Variants in IQGAP1 observed in about 807,000 individuals in gnomAD.
The protein encoded by IQGAP1 is IQ motif containing GTPase activating protein 1.
Under a neutral mutation model 215.6 loss-of-function variants are expected in IQGAP1, and 66 were observed. The observed-to-expected ratio is 0.31, with a 90% CI of 0.25 to 0.38. The LOEUF (loss-of-function observed/expected upper bound fraction) is 0.38. IQGAP1 is among the 10% of genes least tolerant of loss of function. The pLI is 1.00. For missense variants in IQGAP1, 1,712 were observed against 1,997.1 expected, an observed-to-expected ratio of 0.86 and a Z score of 2.72; for synonymous variants, 772 against 728.7, an observed-to-expected ratio of 1.06 and a Z score of -0.96.
At chr15:90,414,649 GT>G (rs1186400009) in intron 2 of IQGAP1, among the ~76,000 whole-genome samples, 3 of 152,028 alleles carry the variant, frequency 2.0e-5, no homozygotes, top group Non-Finnish European at 4.4e-5. Context: ...CCTCTTAAGT[GT>G]TGGTGTTCTC....
chr15:90,398,432 GATA>G (rs1964757531), intron 2 of IQGAP1, among the ~76,000 whole-genome samples: 1 of 152,050 alleles, frequency 6.6e-6, no homozygotes, highest in Non-Finnish European at 1.5e-5. Flanking sequence ...TTTTTACAGT[GATA>G]ATTTTATAAT....
At chr15:90,472,167 T>G (rs961093156) in intron 18 of IQGAP1, among the ~76,000 whole-genome samples, 1 of 152,168 alleles carries the variant, frequency 6.6e-6, no homozygotes, top group African/African-American at 2.4e-5. Flanking sequence ...CCCCAGCTAC[T>G]CAGGAGGTGA....
chr15:90,455,559 C>T (rs540667375), intron 14 of IQGAP1, among the ~76,000 whole-genome samples: 2 of 152,280 alleles, frequency 1.3e-5, no homozygotes, highest in Non-Finnish European at 2.9e-5. Flanking sequence ...AAAAGCAGTA[C>T]GGCTGCCTAA....
rs750317049 is a variant in IQGAP1 at position 90,473,880 on chromosome 15, G to C, written c.2434-16G>C. ...GATGAAGGACTCTTCTAATTTCCAGGATCCCTTTTCCACAGATTCAGTCCC... is the reference window on the plus strand; with the variant it reads ...GATGAAGGACTCTTCTAATTTCCAGCATCCCTTTTCCACAGATTCAGTCCC... On this transcript the variant is annotated splice_polypyrimidine_tract_variant and intron_variant, in intron 20 of 37. Coordinates refer to ENST00000268182, the MANE Select transcript of IQGAP1 (RefSeq NM_003870.4). 1 of 1,613,572 alleles carries C rather than the reference G, an allele frequency of 6.2e-7. No homozygotes were observed. The highest frequency in any genetic ancestry group is 8.5e-7 in the Non-Finnish European group (1 of 1,179,832).
chr15:90,455,985 A>G (rs1300976538), intron 14 of IQGAP1, among the ~76,000 whole-genome samples, 167 bp from the exon 15 acceptor site: 1 of 152,244 alleles, frequency 6.6e-6, no homozygotes, highest in Non-Finnish European at 1.5e-5. Context: ...AGTTGAAATA[A>G]ATACTAATTA....
At chr15:90,418,731 A>G (rs1965089593) in intron 2 of IQGAP1, among the ~76,000 whole-genome samples, 1 of 152,210 alleles carries the variant, frequency 6.6e-6, no homozygotes, top group Non-Finnish European at 1.5e-5. Context: ...TAATGAGGTT[A>G]TATATTGTGG....
At chr15:90,439,807 G>A (rs1384675033) in intron 6 of IQGAP1, among the ~76,000 whole-genome samples, 3 of 152,188 alleles carry the variant, frequency 2.0e-5, no homozygotes, top group Non-Finnish European at 4.4e-5. Context: ...ACACAAAGAT[G>A]CCAATTTAGT....
chr15:90,453,281 A>C lies in IQGAP1; in HGVS notation c.1476A>C (p.Glu492Asp). 1 of 1,611,924 alleles carries C rather than the reference A, an allele frequency of 6.2e-7. No homozygotes were observed. The highest frequency in any genetic ancestry group is 8.5e-7 in the Non-Finnish European group (1 of 1,179,004). ...SVTGLTNIEE[E>D]NCQRYLDELM... ...CTGGTCTTACCAATATTGAGGAAGA[A>C]AACTGTCAGAGGTGGGTGTCCAGAG... Residue 492 changes from glutamate (E) to aspartate (D), a missense_variant, in exon 13 of 38, where the codon GAA becomes GAC. By Grantham distance (45) the Glu-to-Asp change is conservative. Coordinates refer to ENST00000268182, the MANE Select transcript of IQGAP1 (RefSeq NM_003870.4).
At chr15:90,409,622 A>C (rs572911486) in intron 2 of IQGAP1, among the ~76,000 whole-genome samples, 1 of 152,190 alleles carries the variant, frequency 6.6e-6, no homozygotes, top group Admixed American at 6.5e-5. Flanking sequence ...TGTTCTACTC[A>C]CCTTGGCTTC....
chr15:90,476,316 T>G (rs1965978987), intron 23 of IQGAP1, among the ~76,000 whole-genome samples: 1 of 152,178 alleles, frequency 6.6e-6, no homozygotes, highest in South Asian at 2.1e-4. Context: ...GTATTTGACA[T>G]TTAGGTTGTT....
intron 28 of IQGAP1, 26 bp from the exon 29 acceptor site, chr15:90,483,335 C>A: frequency 6.5e-7 from 1 of 1,527,836 alleles, no homozygotes; most frequent in Non-Finnish European, 9.1e-7. Flanking sequence ...CTTTTAATAC[C>A]CATCTTTCTG....
intron 30 of IQGAP1, 67 bp downstream of exon 30, chr15:90,484,419 A>T (rs1406039685): frequency 1.5e-6 from 2 of 1,362,462 alleles, no homozygotes; most frequent in South Asian, 2.5e-5. Context: ...GCTGCTTATC[A>T]TCTCTGGTAG....
intron 32 of IQGAP1, among the ~76,000 whole-genome samples, 191 bp downstream of exon 32, chr15:90,487,280 C>T (rs1470410531): frequency 6.6e-6 from 1 of 152,134 alleles, no homozygotes; most frequent in African/African-American, 2.4e-5. Context: ...TAATATGCTA[C>T]AGTGAAATGT....
intron 10 of IQGAP1, 144 bp downstream of exon 10, chr15:90,448,880 C>G (rs1965561682): frequency 1.4e-6 from 1 of 725,946 alleles, no homozygotes; most frequent in South Asian, 4.0e-5. Flanking sequence ...AAAAAAAAAT[C>G]CTCAGGTAAA....
At position 90,497,243 on chromosome 15, in the gene IQGAP1, T is replaced by C; in HGVS notation, c.4763T>C (p.Val1588Ala). The change falls in exon 37 of 38, where the codon GTT (valine) becomes GCT (alanine). Residue 1588 changes from valine to alanine, a missense_variant. Coordinates refer to ENST00000268182, the MANE Select transcript of IQGAP1 (RefSeq NM_003870.4). ...EDLQVNQFKNVIFEISPTEEV... is the reference protein window; with the variant it reads ...EDLQVNQFKNAIFEISPTEEV... ...TTATCTTTCAACAGGTTTAAAAATG[T>C]TATATTTGAAATCAGTCCAACAGAA... The C allele has an allele frequency of 6.3e-7, 1 of 1,578,978 alleles. No individual in the cohort carries two copies. The highest frequency in any genetic ancestry group is 8.7e-7 in the Non-Finnish European group (1 of 1,149,372).
Position 90,440,507 on chromosome 15 carries a change from G to C in IQGAP1, c.541G>C (p.Glu181Gln). The change falls in exon 7 of 38, where the codon GAA becomes CAA. Residue 181 changes from glutamate (E) to glutamine (Q), a missense_variant. Glu to Gln is a conservative substitution (Grantham distance 29). Transcript: ENST00000268182. ...LYGKVDFTEEEINNMKTELEK... is the reference protein window; with the variant it reads ...LYGKVDFTEEQINNMKTELEK... Reference sequence around the variant, plus strand: ...TTATTAATTCCCTCCTGTAGAAGAAGAAATCAACAACATGAAGACTGAGTT... The same window carrying C: ...TTATTAATTCCCTCCTGTAGAAGAACAAATCAACAACATGAAGACTGAGTT... The C allele has an allele frequency of 6.4e-7, 1 of 1,559,016 alleles. No homozygotes were observed. The highest frequency in any genetic ancestry group is 8.7e-7 in the Non-Finnish European group (1 of 1,149,004).
At chr15:90,426,506 C>T (rs1403339296) in intron 3 of IQGAP1, among the ~76,000 whole-genome samples, 1 of 140,626 alleles carries the variant, frequency 7.1e-6, no homozygotes, top group African/African-American at 2.6e-5. Context: ...CCCTGTCCCC[C>T]CACAAAAAAA....
chr15:90,473,069 G>A (rs948938998), intron 19 of IQGAP1, 59 bp downstream of exon 19: 3 of 1,502,872 alleles, frequency 2.0e-6, no homozygotes, highest in Non-Finnish European at 2.7e-6. Context: ...GGTAATAAAC[G>A]GTCAGCTGTC....
Position 90,491,490 on chromosome 15 carries a change from T to C in IQGAP1, c.4406T>C (p.Leu1469Pro). 6.2e-7 allele frequency: 1 copy of C among 1,614,150 alleles called. No individual in the cohort carries two copies. Among genetic ancestry groups the C allele is most frequent in the Non-Finnish European group, 8.5e-7 (1 of 1,180,006 alleles). Residue 1469 changes from leucine (L) to proline (P), a missense_variant, in exon 34 of 38, where the codon CTT becomes CCT. Coordinates refer to ENST00000268182, the MANE Select transcript of IQGAP1 (RefSeq NM_003870.4). ...IQTGLKKLTE[L>P]GTVDPKNKYQ... ...ACAGGTTTAAAGAAGCTAACAGAGC[T>C]TGGAACCGTGGACCCAAAGAACAAA...
Sources: gnomAD v4.1 joint callset for allele counts (sites outside exome capture counted in the v4.1 genomes callset) on GRCh38, gnomAD v4.1.1 for gene constraint, MANE v1.5 for transcripts, NCBI Gene and HGNC (gene_info 2026-07-23, HGNC 2026-07-21) for gene names.